The following MED13L variants were observed in gnomAD, a reference collection of about 807,000 sequenced individuals.
The protein encoded by MED13L is mediator of RNA polymerase II transcription subunit 13-like.
A neutral mutation model predicts 220.9 loss-of-function variants in MED13L; 7 were observed. The observed-to-expected ratio is 0.03, with a 90% CI of 0.02 to 0.06. The LOEUF is 0.06. Among genes scored for constraint, MED13L ranks in the 10% least tolerant of loss-of-function variants. The probability of loss-of-function intolerance (pLI) is 1.00; values close to 1 mark genes in which losing one functional copy is unlikely to be tolerated. For missense variants in MED13L, 1,965 were observed against 2,760.5 expected, an observed-to-expected ratio of 0.71 and a Z score of 6.46; for synonymous variants, 1,011 against 1,015.2, an observed-to-expected ratio of 1.00 and a Z score of 0.08.
intron 2 of MED13L, among the ~76,000 whole-genome samples, chr12:116,206,162 C>T (rs1383641098): frequency 1.4e-5 from 2 of 146,214 alleles, no homozygotes; most frequent in African/African-American, 5.1e-5. Context: ...CTCACTGCGA[C>T]CTCCTCCTCC....
chr12:116,211,796 T>C (rs560808822), intron 2 of MED13L, among the ~76,000 whole-genome samples: 1 of 152,332 alleles, frequency 6.6e-6, no homozygotes, highest in African/African-American at 2.4e-5. Context: ...ACTTCTTAAG[T>C]ATACTGCTGC....
intron 1 of MED13L, among the ~76,000 whole-genome samples, chr12:116,264,989 T>TAGAC (rs1378049568): frequency 1.3e-5 from 2 of 152,186 alleles, no homozygotes; most frequent in Admixed American, 6.5e-5. Flanking sequence ...CTAGATTGAT[T>TAGAC]AGACAGACAG....
chr12:116,097,647 T>C (rs1872728123), intron 3 of MED13L, among the ~76,000 whole-genome samples: 1 of 152,210 alleles, frequency 6.6e-6, no homozygotes, highest in South Asian at 2.1e-4. Flanking sequence ...CAATTGTGTC[T>C]TCAATAATGA....
chr12:116,241,347 C>A (rs575456463), intron 1 of MED13L, among the ~76,000 whole-genome samples: 24 of 147,648 alleles, frequency 1.6e-4, no homozygotes, highest in African/African-American at 5.3e-4. Flanking sequence ...AAAAAACACA[C>A]ACACACACAC....
chr12:116,097,636 G>A (rs980462153), intron 3 of MED13L, among the ~76,000 whole-genome samples: 2 of 152,176 alleles, frequency 1.3e-5, no homozygotes, highest in African/African-American at 4.8e-5. Context: ...ACAAGGAATT[G>A]CAATTGTGTC....
In MED13L at chr12:116,002,433, C is replaced by G. The variant is rs151265281; in HGVS notation, c.2569+570G>C. Among the ~76,000 whole-genome samples, 519 of 152,272 alleles carry G rather than the reference C, an allele frequency of 3.4e-3. 6 individuals are homozygous for G. Among genetic ancestry groups the G allele is most frequent in the Middle Eastern group, 0.02 (6 of 294 alleles). ...TTCTGCTTCAGAGTATCCACATAAG[C>G]TACCCTTTTTTTTCCTCTTGTAGAA... is the stretch of plus-strand genomic sequence containing the variant. On this transcript the variant is annotated intron_variant, in intron 14 of 30. Transcript: ENST00000281928.
chr12:116,175,355 T>C (rs986428524), intron 2 of MED13L, among the ~76,000 whole-genome samples: 3 of 152,076 alleles, frequency 2.0e-5, no homozygotes, highest in East Asian at 1.9e-4. Flanking sequence ...AGGGGAAACA[T>C]ACCCACACCC....
chr12:116,223,634 G>A (rs565729547), intron 2 of MED13L, among the ~76,000 whole-genome samples: 2 of 152,262 alleles, frequency 1.3e-5, no homozygotes, highest in African/African-American at 2.4e-5. Flanking sequence ...AACCCGGGAG[G>A]TGGAGGTTGC....
rs758022508 is a variant in MED13L, at chr12:116,015,148, C to T, written c.1136G>A (p.Arg379Gln). The change falls in exon 8 of 31, where the codon CGA becomes CAA. Residue 379 changes from arginine to glutamine, a missense_variant. Physicochemically the swap from Arg to Gln is conservative, Grantham distance 43. Transcript: ENST00000281928. ...GTTGAGGATGCATTCCTTCCAGACTCGATGGACCATATGATTGTGGAGTTT... is the reference window on the plus strand; with the variant it reads ...GTTGAGGATGCATTCCTTCCAGACTTGATGGACCATATGATTGTGGAGTTT... ...PPKLHNHMVHRVWKECILNRT... is the reference protein window; with the variant it reads ...PPKLHNHMVHQVWKECILNRT... 1.5e-5 allele frequency: 24 copies of T among 1,613,756 alleles called. No homozygotes were observed. Among genetic ancestry groups the T allele is most frequent in the South Asian group, 1.4e-4 (13 of 91,064 alleles).
At chr12:116,267,259 G>A (rs1056824470) in intron 1 of MED13L, among the ~76,000 whole-genome samples, 2 of 152,084 alleles carry the variant, frequency 1.3e-5, no homozygotes, top group African/African-American at 4.8e-5. Context: ...TGGTTGTAAC[G>A]AAAAACTGTT....
At chr12:116,184,766 T>C (rs1344512580) in intron 2 of MED13L, among the ~76,000 whole-genome samples, 2 of 152,188 alleles carry the variant, frequency 1.3e-5, no homozygotes, top group Admixed American at 6.5e-5. Context: ...CCATTAACTA[T>C]TTATCACTTG....
intron 16 of MED13L, 89 bp downstream of exon 16, chr12:115,996,387 C>T (rs1878406430): frequency 7.4e-6 from 11 of 1,477,982 alleles, no homozygotes; most frequent in Middle Eastern, 2.1e-4. Context: ...CCACCGCGCC[C>T]GGACCTTGTC....
intron 4 of MED13L, among the ~76,000 whole-genome samples, chr12:116,029,183 T>G (rs1422440333): frequency 7.3e-6 from 1 of 136,902 alleles, no homozygotes; most frequent in African/African-American, 2.7e-5. Context: ...AATAAGGAAC[T>G]AAGAAAATAA....
chr12:116,239,144 A>AC (rs1462362997), intron 1 of MED13L, among the ~76,000 whole-genome samples: 3 of 152,006 alleles, frequency 2.0e-5, no homozygotes, highest in African/African-American at 7.2e-5. Flanking sequence ...CAAACAAACA[A>AC]CAAAAAAAAA....
chr12:116,124,158 CAGAGAGAGACAGAG>C (rs1875370876), intron 2 of MED13L, among the ~76,000 whole-genome samples: 2 of 115,464 alleles, frequency 1.7e-5, no homozygotes, highest in East Asian at 2.7e-4. Context: ...GAGACAGAGA[CAGAGAGAGACAGAG>C]AGAGACAGAG....
At chr12:116,227,145 C>T (rs528263710) in intron 2 of MED13L, among the ~76,000 whole-genome samples, 59 of 152,232 alleles carry the variant, frequency 3.9e-4, no homozygotes, top group Middle Eastern at 3.4e-3. Context: ...ATACTTTAAG[C>T]AGATCCAGAG....
chr12:116,237,371 C>T lies in MED13L; in HGVS notation c.310+97G>A, dbSNP rs541639693. On this transcript the variant is annotated intron_variant, in intron 2 of 30. Transcript: ENST00000281928. Reference sequence around the variant, plus strand: ...GAGACATCCATGAAACACTTAAGATCGTTCTTTTAGACAAGTCTTAATAAT... The same window carrying T: ...GAGACATCCATGAAACACTTAAGATTGTTCTTTTAGACAAGTCTTAATAAT... 1.1e-5 allele frequency: 11 copies of T among 978,056 alleles called. No individual in the cohort carries two copies. In the East Asian group the frequency reaches 2.5e-4, roughly 22 times the overall value. The allele number at this position is 978,056 out of a possible 1,614,324, so 60.6% of individuals were successfully genotyped here. A position where few individuals can be genotyped will look rare whatever the true frequency, so the allele number is the denominator to read the frequency against.
chr12:116,076,797 A>C (rs1870839665), intron 4 of MED13L, among the ~76,000 whole-genome samples: 1 of 152,200 alleles, frequency 6.6e-6, no homozygotes, highest in Admixed American at 6.5e-5. Context: ...TAATTCTAAC[A>C]AGCAACAATC....
At chr12:116,193,094 A>G (rs1037134730) in intron 2 of MED13L, among the ~76,000 whole-genome samples, 7 of 152,146 alleles carry the variant, frequency 4.6e-5, no homozygotes, top group Non-Finnish European at 7.3e-5. Context: ...ATGCCACTGC[A>G]CTCCAGCCTG....
Sources: gnomAD v4.1 joint callset for allele counts (sites outside exome capture counted in the v4.1 genomes callset) on GRCh38, gnomAD v4.1.1 for gene constraint, MANE v1.5 for transcripts, NCBI Gene and HGNC (gene_info 2026-07-23, HGNC 2026-07-21) for gene names.